Variants in QRSL1 observed in about 807,000 individuals in gnomAD.
QRSL1 encodes glutaminyl-tRNA amidotransferase subunit QRSL1.
A neutral mutation model predicts 61.6 loss-of-function variants in QRSL1; 54 were observed. The observed-to-expected ratio is 0.88, with a 90% CI of 0.70 to 1.10. The LOEUF (loss-of-function observed/expected upper bound fraction) is 1.10. QRSL1 is among the 50% of genes least tolerant of loss of function. The pLI, the probability that QRSL1 is intolerant of heterozygous loss-of-function variation, is 0.00. For synonymous variants in QRSL1, 228 were observed against 225.7 expected (o/e 1.01, Z -0.09); for missense variants, 505 against 622.6 (o/e 0.81, Z 2.01).
intron 9 of QRSL1, 57 bp downstream of exon 9, chr6:106,655,789 C>A: frequency 9.9e-7 from 1 of 1,012,362 alleles, no homozygotes; most frequent in Non-Finnish European, 1.6e-6. Flanking sequence ...TAACATGTCT[C>A]TTATCAGGTC....
At chr6:106,644,646 G>A (rs1211683445) in intron 4 of QRSL1, among the ~76,000 whole-genome samples, 1 of 151,920 alleles carries the variant, frequency 6.6e-6, no homozygotes, top group South Asian at 2.1e-4. Flanking sequence ...TCAGCCTCCC[G>A]AGTAGTTGGG....
intron 7 of QRSL1, chr6:106,652,952 C>G: frequency 2.0e-6 from 1 of 503,160 alleles, no homozygotes; most frequent in Non-Finnish European, 3.3e-6. Context: ...AAAAGTGTGT[C>G]TCTGTTCCAA....
At chr6:106,643,799 C>G (rs529956235) in intron 4 of QRSL1, among the ~76,000 whole-genome samples, 3 of 152,014 alleles carry the variant, frequency 2.0e-5, no homozygotes, top group South Asian at 2.1e-4. Context: ...TCTGAACATG[C>G]CTTTCAAAGA....
chr6:106,632,944 T>A (rs567936940), intron 1 of QRSL1, among the ~76,000 whole-genome samples: 3 of 152,198 alleles, frequency 2.0e-5, no homozygotes, highest in Non-Finnish European at 4.4e-5. Flanking sequence ...TTGGCTCCAT[T>A]TGTCAGGATT....
intron 1 of QRSL1, among the ~76,000 whole-genome samples, chr6:106,636,376 A>G (rs1250921698): frequency 2.0e-5 from 3 of 148,932 alleles, no homozygotes; most frequent in Admixed American, 6.7e-5. Context: ...GCTGGAATAC[A>G]GTGGCACAAT....
intron 9 of QRSL1, among the ~76,000 whole-genome samples, chr6:106,655,955 T>A (rs1777263716): frequency 6.6e-6 from 1 of 152,200 alleles, no homozygotes; most frequent in Non-Finnish European, 1.5e-5. Context: ...GTCCTCCATA[T>A]CTGTGGGTTT....
At chr6:106,631,158 G>A (rs572779716) in intron 1 of QRSL1, among the ~76,000 whole-genome samples, 1 of 152,018 alleles carries the variant, frequency 6.6e-6, no homozygotes, top group African/African-American at 2.4e-5. Context: ...CCCGGGAGGC[G>A]GAGCTTGCAG....
At position 106,658,621 on chromosome 6, in the gene QRSL1, G is replaced by T. The variant is rs1401143328; in HGVS notation, c.1160+2889G>T. Among the ~76,000 whole-genome samples the T allele has an allele frequency of 5.3e-5, 8 of 151,636 alleles. No individual in the cohort carries two copies. In the East Asian group the frequency reaches 1.5e-3, roughly 29 times the overall value. On this transcript the variant is annotated intron_variant, in intron 9 of 10. Transcript: ENST00000369046. ...TAAAGGTTTTGTCCATTGTCTTCTG[G>T]CTTACATAGTTTCTGAGAAGTCTGT...
chr6:106,641,294 A>G (rs1777015313), intron 3 of QRSL1, among the ~76,000 whole-genome samples: 1 of 152,198 alleles, frequency 6.6e-6, no homozygotes, highest in Admixed American at 6.5e-5. Flanking sequence ...CCTCATCTCT[A>G]AAAAACGAAA....
chr6:106,642,539 A>G (rs1464332960), intron 3 of QRSL1: 3 of 713,482 alleles, frequency 4.2e-6, no homozygotes, highest in African/African-American at 1.7e-5. Flanking sequence ...GTTGTTTGCC[A>G]TGTACATGTG....
chr6:106,643,651 G>T (rs1777060061), intron 4 of QRSL1, among the ~76,000 whole-genome samples: 1 of 150,220 alleles, frequency 6.7e-6, no homozygotes, highest in African/African-American at 2.5e-5. Context: ...TTGCACTCCA[G>T]CCTGGGCTAC....
chr6:106,631,787 C>T (rs958364723), intron 1 of QRSL1, among the ~76,000 whole-genome samples: 6 of 152,164 alleles, frequency 3.9e-5, no homozygotes, highest in African/African-American at 1.4e-4. Flanking sequence ...TCACCTCAAG[C>T]ATTTATCATT....
chr6:106,652,291 T>G lies in QRSL1; in HGVS notation c.640T>G (p.Leu214Val). Residue 214 changes from leucine to valine, a missense_variant, in exon 6 of 11, where the codon TTA becomes GTA. Coordinates refer to ENST00000369046, the MANE Select transcript of QRSL1 (RefSeq NM_018292.5). The stretch of plus-strand genomic sequence containing the variant: ...TGTTGGTTTCAAACCAAGCTATGGC[T>G]TAGTTTCCCGTCATGGTCTCATTCC... ...GLVGFKPSYG[L>V]VSRHGLIPLV... 6.2e-7 allele frequency: 1 copy of G among 1,614,244 alleles called. No homozygotes were observed. Among genetic ancestry groups the G allele is most frequent in the South Asian group, 1.1e-5 (1 of 91,084 alleles).
chr6:106,667,523 T>A lies in QRSL1; in HGVS notation c.*1521T>A, dbSNP rs962722071. 1 of 152,156 alleles carries A rather than the reference T, an allele frequency of 6.6e-6. No homozygotes were observed. The highest frequency in any genetic ancestry group is 1.5e-5 in the Non-Finnish European group (1 of 68,028). 9.4% of individuals were successfully genotyped at this position (152,156 alleles called of 1,614,324 possible). On this transcript the variant is annotated 3_prime_UTR_variant, in exon 11 of 11. Transcript: ENST00000369046. ...AAAGCTGAATTGTTACTTAATAAAT[T>A]CACTTTGTTTAGTAAAAAAAAATTG...
rs545399019 is a variant in QRSL1, at chr6:106,647,757, T to G, written c.381-1268T>G. On this transcript the variant is annotated intron_variant, in intron 4 of 10. Coordinates refer to ENST00000369046, the MANE Select transcript of QRSL1 (RefSeq NM_018292.5). ...GCTCCGCCTCCCGGGTTCACACCATTCTTCTGCCTCAGCCTCCCGAGTAGC... is the reference window on the plus strand; with the variant it reads ...GCTCCGCCTCCCGGGTTCACACCATGCTTCTGCCTCAGCCTCCCGAGTAGC... 2.2e-3 allele frequency among the ~76,000 whole-genome samples: 309 copies of G among 139,810 alleles called. 5 individuals carry two copies. Among genetic ancestry groups the G allele is most frequent in the African/African-American group, 8.1e-3 (302 of 37,354 alleles). The allele number at this position is 139,810 out of a possible 152,430, so 91.7% of individuals were successfully genotyped here.
chr6:106,634,842 T>A (rs1172092053), intron 1 of QRSL1, among the ~76,000 whole-genome samples: 1 of 151,990 alleles, frequency 6.6e-6, no homozygotes. Flanking sequence ...TGGATATTGT[T>A]TTTTAAGTCA....
intron 8 of QRSL1, 46 bp from the exon 9 acceptor site, chr6:106,655,569 G>T: frequency 1.6e-5 from 19 of 1,159,080 alleles, no homozygotes; most frequent in South Asian, 2.5e-5. Flanking sequence ...AAACTTTACT[G>T]ACTTTACTTC....
intron 9 of QRSL1, among the ~76,000 whole-genome samples, chr6:106,660,552 CA>C (rs1582421150): frequency 6.6e-6 from 1 of 151,872 alleles, no homozygotes; most frequent in Admixed American, 6.5e-5. Context: ...ATGGTCATTT[CA>C]TATATTTTGT....
intron 1 of QRSL1, among the ~76,000 whole-genome samples, 162 bp downstream of exon 1, chr6:106,629,867 C>T (rs1184492222): frequency 1.3e-5 from 2 of 152,174 alleles, no homozygotes; most frequent in African/African-American, 2.4e-5. Flanking sequence ...GGTGTACTCG[C>T]CGTACCCATT....
Sources: allele counts gnomAD v4.1 joint callset (sites outside exome capture counted in the v4.1 genomes callset), GRCh38; gene constraint gnomAD v4.1.1; transcripts MANE v1.5; gene names NCBI Gene and HGNC (gene_info 2026-07-23, HGNC 2026-07-21).